ERC2: variants seen among roughly 807,000 people sequenced by gnomAD.
ERC2 encodes ELKS/RAB6-interacting/CAST family member 2.
ERC2 carries 42 observed loss-of-function variants against 114.8 expected under a neutral mutation model. That is an observed-to-expected ratio of 0.37 (90% CI 0.29 to 0.47). The LOEUF (loss-of-function observed/expected upper bound fraction) is 0.47, where lower values mean the gene tolerates loss of function less well. Among genes scored for constraint, ERC2 ranks in the 20% least tolerant of loss-of-function variants. The probability of loss-of-function intolerance (pLI) is 0.99; values close to 1 mark genes in which losing one functional copy is unlikely to be tolerated. For missense variants in ERC2, 939 were observed against 1,150.7 expected (o/e 0.82, Z 2.66); for synonymous variants, 454 against 425.5 (o/e 1.07, Z -0.82).
chr3:55,676,139 TC>T (rs1054291688), intron 17 of ERC2, among the ~76,000 whole-genome samples: 2 of 151,872 alleles, frequency 1.3e-5, no homozygotes, highest in African/African-American at 4.8e-5. Context: ...GCCAGGCTGG[TC>T]TTGAACTCCT....
intron 17 of ERC2, among the ~76,000 whole-genome samples, chr3:55,603,128 C>T (rs1403740798): frequency 6.6e-6 from 1 of 152,158 alleles, no homozygotes; most frequent in Non-Finnish European, 1.5e-5. Context: ...AGAAGCATTT[C>T]CCCCTTCCCT....
chr3:56,251,594 A>G (rs1056483446), intron 3 of ERC2, among the ~76,000 whole-genome samples: 2 of 152,234 alleles, frequency 1.3e-5, no homozygotes, highest in Admixed American at 1.3e-4. Flanking sequence ...TTTGGATGGC[A>G]TATTTAAAAC....
chr3:55,697,310 A>C (rs1454975356), intron 16 of ERC2, among the ~76,000 whole-genome samples: 1 of 152,176 alleles, frequency 6.6e-6, no homozygotes, highest in Non-Finnish European at 1.5e-5. Context: ...TGGGTTGCTT[A>C]GAGTGTTCAC....
intron 8 of ERC2, among the ~76,000 whole-genome samples, chr3:56,012,169 G>A (rs891523274): frequency 1.3e-5 from 2 of 152,088 alleles, no homozygotes; most frequent in East Asian, 3.9e-4. Flanking sequence ...CACAGTACAT[G>A]GTCAATCTCT....
intron 17 of ERC2, chr3:55,608,012 C>T (rs777508795): frequency 6.6e-6 from 1 of 152,094 alleles, no homozygotes; most frequent in Non-Finnish European, 1.5e-5. Context: ...AAACAAAAAA[C>T]CCCCTAAAGG....
intron 6 of ERC2, among the ~76,000 whole-genome samples, chr3:56,114,125 G>A (rs1031145165): frequency 2.0e-5 from 3 of 152,174 alleles, no homozygotes; most frequent in Admixed American, 1.3e-4. Flanking sequence ...TGCAAAAAGA[G>A]CTATGAATAT....
At chr3:55,796,240 G>T (rs888127731) in intron 14 of ERC2, among the ~76,000 whole-genome samples, 3 of 148,098 alleles carry the variant, frequency 2.0e-5, no homozygotes, top group African/African-American at 7.4e-5. Flanking sequence ...GGCAAGGCCT[G>T]GCTTTGTTTG....
chr3:55,576,361 A>G (rs1488912390), intron 17 of ERC2, among the ~76,000 whole-genome samples: 8 of 152,110 alleles, frequency 5.3e-5, no homozygotes, highest in East Asian at 1.9e-4. Context: ...AGGCCCTACC[A>G]TGCACCAGGA....
chr3:56,117,472 T>C (rs2079302682), intron 6 of ERC2, among the ~76,000 whole-genome samples: 1 of 152,172 alleles, frequency 6.6e-6, no homozygotes, highest in African/African-American at 2.4e-5. Context: ...TTAGAAGATA[T>C]CCTCAACAAT....
chr3:56,220,716 A>G (rs998010995), intron 3 of ERC2, among the ~76,000 whole-genome samples: 7 of 152,220 alleles, frequency 4.6e-5, no homozygotes, highest in Non-Finnish European at 8.8e-5. Flanking sequence ...CTGCTGTCCA[A>G]ATTTCTAGAC....
At chr3:55,999,803 A>C (rs1020725602) in intron 10 of ERC2, among the ~76,000 whole-genome samples, 1 of 151,576 alleles carries the variant, frequency 6.6e-6, no homozygotes, top group African/African-American at 2.4e-5. Flanking sequence ...ATAGTTCTAA[A>C]ATTATTTTAT....
Position 56,296,244 on chromosome 3 carries a change from T to G in ERC2, c.849A>C (p.Thr283=). ...CAATTCTCAGCTCCATTTCCTCTAATGTCTTCCTCAAAAGGAACAGCTCCT... is the reference window on the plus strand; with the variant it reads ...CAATTCTCAGCTCCATTTCCTCTAAGGTCTTCCTCAAAAGGAACAGCTCCT... ...QAKELFLLRK[T]LEEMELRIET... Residue 283 remains threonine (T), a synonymous_variant, in exon 3 of 18, where the codon ACA becomes ACC. Coordinates refer to ENST00000288221, the MANE Select transcript of ERC2 (RefSeq NM_015576.3). The G allele has an allele frequency of 1.2e-6, 2 of 1,614,030 alleles. No individual in the cohort carries two copies. Among genetic ancestry groups the G allele is most frequent in the Non-Finnish European group, 1.7e-6 (2 of 1,179,890 alleles).
intron 3 of ERC2, among the ~76,000 whole-genome samples, chr3:56,224,516 T>C (rs2050127707): frequency 6.6e-6 from 1 of 152,074 alleles, no homozygotes; most frequent in African/African-American, 2.4e-5. Context: ...TTTATTATTG[T>C]AAGGGAACAG....
intron 17 of ERC2, among the ~76,000 whole-genome samples, chr3:55,595,425 C>T (rs1167252): frequency 0.24 from 36,940 of 152,080 alleles, 5,264 homozygotes; most frequent in East Asian, 0.66. Flanking sequence ...GATTCTATTC[C>T]CATCCCTTAC....
At chr3:55,985,621 C>T (rs1049409963) in intron 12 of ERC2, among the ~76,000 whole-genome samples, 1 of 152,164 alleles carries the variant, frequency 6.6e-6, no homozygotes, top group African/African-American at 2.4e-5. Context: ...AATTCAGCAT[C>T]CTGCATTATG....
At chr3:56,455,479 C>G (rs2063022392) in intron 1 of ERC2, among the ~76,000 whole-genome samples, 1 of 152,122 alleles carries the variant, frequency 6.6e-6, no homozygotes, top group Non-Finnish European at 1.5e-5. Context: ...CACTAGTGAC[C>G]CCCTGTAAGT....
chr3:56,322,804 CAG>C (rs1219831443), intron 2 of ERC2, among the ~76,000 whole-genome samples: 3 of 152,094 alleles, frequency 2.0e-5, no homozygotes, highest in Non-Finnish European at 4.4e-5. Flanking sequence ...AGGAAGGGTG[CAG>C]AGAGTCTCTG....
chr3:56,233,608 C>T (rs1311116307), intron 3 of ERC2, among the ~76,000 whole-genome samples: 2 of 150,404 alleles, frequency 1.3e-5, no homozygotes, highest in East Asian at 1.9e-4. Context: ...CACAAGACTC[C>T]GTCTCAACAA....
intron 3 of ERC2, among the ~76,000 whole-genome samples, chr3:56,254,559 T>C (rs2052390400): frequency 6.6e-6 from 1 of 152,228 alleles, no homozygotes; most frequent in Admixed American, 6.5e-5. Context: ...ACTGGCCAGC[T>C]GACACTGTTG....
Sources: gnomAD v4.1 joint callset for allele counts (sites outside exome capture counted in the v4.1 genomes callset) on GRCh38, gnomAD v4.1.1 for gene constraint, MANE v1.5 for transcripts, NCBI Gene and HGNC (gene_info 2026-07-23, HGNC 2026-07-21) for gene names.